Variants in BBOF1 observed in about 807,000 individuals in gnomAD.
The protein encoded by BBOF1 is basal body orientation factor 1, also known as basal body-orientation factor 1.
In BBOF1, 62 loss-of-function variants were observed where a neutral mutation model predicts 68.0. That is an observed-to-expected ratio of 0.91 (90% CI 0.74 to 1.13). BBOF1 has a LOEUF of 1.13. Ranked by LOEUF, BBOF1 falls within the 50% of genes most tolerant of loss-of-function variation. The pLI is 0.00. For synonymous variants in BBOF1, 208 were observed against 198.8 expected, an observed-to-expected ratio of 1.05 and a Z score of -0.39; for missense variants, 534 against 600.1, an observed-to-expected ratio of 0.89 and a Z score of 1.15.
intron 7 of BBOF1, among the ~76,000 whole-genome samples, chr14:74,049,425 G>A (rs1463190935): frequency 6.6e-6 from 1 of 152,042 alleles, no homozygotes; most frequent in Admixed American, 6.6e-5. Flanking sequence ...TGTTATGCTG[G>A]CTGAGGCAGG....
chr14:74,029,290 G>A, intron 3 of BBOF1, 41 bp downstream of exon 3: 1 of 1,332,790 alleles, frequency 7.5e-7, no homozygotes, highest in Non-Finnish European at 1.1e-6. Flanking sequence ...TTACTGGATG[G>A]TCAGGTTTCT....
chr14:74,052,949 ATGGCTGCAGTGAG>A (rs2060101112), intron 8 of BBOF1, among the ~76,000 whole-genome samples: 1 of 828 alleles, frequency 1.2e-3, no homozygotes, highest in Non-Finnish European at 2.2e-3. Context: ...GCAGTGAGCC[ATGGCTGCAGTGAG>A]CCATGGCTGC....
chr14:74,039,988 C>T (rs1234359582), intron 4 of BBOF1, among the ~76,000 whole-genome samples: 2 of 151,988 alleles, frequency 1.3e-5, no homozygotes, highest in African/African-American at 4.8e-5. Flanking sequence ...GTCTCTCTCT[C>T]TTCCAAAACA....
At position 74,041,901 on chromosome 14, in the gene BBOF1, G is replaced by A. The variant is rs575433019; in HGVS notation, c.576+1256G>A. ...AAAATACAAAAATTAGCCAGGCATGGTGGTGTGCACCTGTAATCCCAGCTA... is the reference window on the plus strand; with the variant it reads ...AAAATACAAAAATTAGCCAGGCATGATGGTGTGCACCTGTAATCCCAGCTA... On this transcript the variant is annotated intron_variant, in intron 5 of 11. Coordinates refer to ENST00000394009, the MANE Select transcript of BBOF1 (RefSeq NM_025057.3). Among the ~76,000 whole-genome samples the A allele has an allele frequency of 2.2e-4, 34 of 152,218 alleles. No homozygotes were observed. In the South Asian group the frequency reaches 6.6e-3, roughly 30 times the overall value.
chr14:74,032,118 A>G (rs1267662829), intron 3 of BBOF1, among the ~76,000 whole-genome samples: 1 of 99,678 alleles, frequency 1.0e-5, no homozygotes, highest in Non-Finnish European at 1.9e-5. Flanking sequence ...CTCAAAGTTG[A>G]TTTTTTTTTT....
At chr14:74,080,897 C>T (rs116248071) in intron 10 of BBOF1, among the ~76,000 whole-genome samples, 135 of 152,334 alleles carry the variant, frequency 8.9e-4, no homozygotes, top group African/African-American at 3.2e-3. Flanking sequence ...GCTTAGAAAA[C>T]GCTACATAGT....
At chr14:74,020,196 T>C (rs1307228264) in intron 1 of BBOF1, among the ~76,000 whole-genome samples, 4 of 152,194 alleles carry the variant, frequency 2.6e-5, no homozygotes, top group Non-Finnish European at 4.4e-5. Context: ...CATACTTATA[T>C]GTGGCTTTTT....
chr14:74,063,635 G>GT (rs1312997341), intron 11 of BBOF1, among the ~76,000 whole-genome samples: 1 of 151,838 alleles, frequency 6.6e-6, no homozygotes, highest in Non-Finnish European at 1.5e-5. Flanking sequence ...GGAGGCTGAG[G>GT]CAGGCGGATC....
intron 10 of BBOF1, among the ~76,000 whole-genome samples, chr14:74,079,679 G>A (rs993580012): frequency 2.6e-5 from 4 of 152,014 alleles, no homozygotes; most frequent in South Asian, 2.1e-4. Flanking sequence ...TGATCCGCCC[G>A]CCTCAGCCTC....
chr14:74,040,233 C>T (rs1483519500), intron 4 of BBOF1, among the ~76,000 whole-genome samples: 1 of 152,150 alleles, frequency 6.6e-6, no homozygotes, highest in Admixed American at 6.6e-5. Context: ...AAGCTATCTA[C>T]CCACCTTAGC....
At chr14:74,062,145 C>T (rs1023449049) in intron 11 of BBOF1, among the ~76,000 whole-genome samples, 17 of 150,734 alleles carry the variant, frequency 1.1e-4, no homozygotes, top group African/African-American at 3.2e-4. Context: ...GCAAGTGAGC[C>T]GAGAATGCAC....
At chr14:74,066,964 C>T, downstream of BBOF1, 1 of 1,442,806 alleles carries the variant, frequency 6.9e-7, no homozygotes, top group Non-Finnish European at 9.7e-7. Flanking sequence ...GCCTGTAATC[C>T]CAAAGCTTTA....
At chr14:74,031,630 G>A (rs7161721) in intron 3 of BBOF1, among the ~76,000 whole-genome samples, 60,208 of 151,862 alleles carry the variant, frequency 0.4, 12,703 homozygotes, top group East Asian at 0.84. Context: ...ACAGATGGCC[G>A]CTTCCTGCTG....
chr14:74,031,284 T>C lies in BBOF1; in HGVS notation c.351+2035T>C, dbSNP rs562484956. On this transcript the variant is annotated intron_variant, in intron 3 of 11. Coordinates refer to ENST00000394009, the MANE Select transcript of BBOF1 (RefSeq NM_025057.3). ...AGTACCACTACACCTGGCAAATTTT[T>C]GTATTTTTTGTAGAGATGGGGTCTC... is the stretch of plus-strand genomic sequence containing the variant. 4.6e-5 allele frequency among the ~76,000 whole-genome samples: 7 copies of C among 152,196 alleles called. No homozygotes were observed. In the South Asian group the frequency reaches 1.5e-3, roughly 32 times the overall value.
intron 1 of BBOF1, among the ~76,000 whole-genome samples, chr14:74,020,659 A>G (rs1002862461): frequency 7.2e-5 from 11 of 152,152 alleles, no homozygotes; most frequent in Middle Eastern, 3.4e-3. Context: ...ACCCGTCACC[A>G]CGCCCAGCTA....
At chr14:74,072,546 GAT>G in intron 9 of BBOF1, 1 of 1,614,052 alleles carries the variant, frequency 6.2e-7, no homozygotes, top group South Asian at 1.1e-5. Flanking sequence ...CTGGGTTGTG[GAT>G]ATCGATCCAT....
intron 10 of BBOF1, among the ~76,000 whole-genome samples, chr14:74,078,809 GT>G: frequency 6.6e-6 from 1 of 151,820 alleles, no homozygotes; most frequent in Non-Finnish European, 1.5e-5. Flanking sequence ...GATTACAGGT[GT>G]GAGCCACTGC....
At chr14:74,079,472 C>A (rs1265656272) in intron 10 of BBOF1, among the ~76,000 whole-genome samples, 1 of 147,340 alleles carries the variant, frequency 6.8e-6, no homozygotes, top group Admixed American at 6.9e-5. Context: ...CTCACTCTGT[C>A]GCCCAGGCTG....
At chr14:74,047,873 T>TAA in intron 6 of BBOF1, 57 bp from the exon 7 acceptor site, 1 of 1,478,272 alleles carries the variant, frequency 6.8e-7, no homozygotes, top group Non-Finnish European at 9.1e-7. Flanking sequence ...ATCATTTTTC[T>TAA]ATTTTGGCGA....
Sources: gnomAD v4.1 joint callset for allele counts (sites outside exome capture counted in the v4.1 genomes callset) on GRCh38, gnomAD v4.1.1 for gene constraint, MANE v1.5 for transcripts, NCBI Gene and HGNC (gene_info 2026-07-23, HGNC 2026-07-21) for gene names.